PHF14: variants seen among roughly 807,000 people sequenced by gnomAD.
PHF14 encodes the protein PHD finger protein 14.
Under a neutral mutation model 117.9 loss-of-function variants are expected in PHF14, and 55 were observed. That is an observed-to-expected ratio of 0.47 (90% CI 0.38 to 0.58). The LOEUF (loss-of-function observed/expected upper bound fraction) is 0.58. PHF14 is among the 20% of genes least tolerant of loss of function. The pLI is 0.00. For synonymous variants in PHF14, 409 were observed against 368.6 expected, an observed-to-expected ratio of 1.11 and a Z score of -1.26; for missense variants, 978 against 1,122.2, an observed-to-expected ratio of 0.87 and a Z score of 1.84.
chr7:11,158,754 TAA>T (rs1266563624), intron 17 of PHF14, among the ~76,000 whole-genome samples: 3 of 152,106 alleles, frequency 2.0e-5, no homozygotes, highest in African/African-American at 7.2e-5. Context: ...AGGAGAAATA[TAA>T]GAGAATAAGA....
intron 16 of PHF14, among the ~76,000 whole-genome samples, chr7:11,067,729 G>A (rs574167166): frequency 1.3e-5 from 2 of 152,292 alleles, no homozygotes; most frequent in South Asian, 4.1e-4. Context: ...TTGGGCATCT[G>A]CATCTGGTGA....
At chr7:11,087,496 G>A (rs1425411614) in intron 16 of PHF14, among the ~76,000 whole-genome samples, 1 of 152,016 alleles carries the variant, frequency 6.6e-6, no homozygotes, top group Non-Finnish European at 1.5e-5. Flanking sequence ...GGCCAGCACT[G>A]TTCTTCTTTC....
At chr7:10,993,526 A>T (rs979882328) in intron 4 of PHF14, among the ~76,000 whole-genome samples, 4 of 152,204 alleles carry the variant, frequency 2.6e-5, no homozygotes, top group Admixed American at 6.5e-5. Context: ...AATTTTAGGC[A>T]TATGAAATAG....
chr7:11,122,331 T>TATATATATATATATATATATATA (rs1787779306), intron 17 of PHF14, among the ~76,000 whole-genome samples: 2 of 84,068 alleles, frequency 2.4e-5, no homozygotes, highest in African/African-American at 5.9e-5. Flanking sequence ...TTTGTACTTT[T>TATATATATATATATATATATATA]TATATATATA....
At chr7:11,149,195 A>G (rs1035970044) in intron 17 of PHF14, among the ~76,000 whole-genome samples, 3 of 101,546 alleles carry the variant, frequency 3.0e-5, no homozygotes, top group African/African-American at 1.7e-4. Flanking sequence ...TAAGGCCATC[A>G]CAGTTGTTTT....
intron 16 of PHF14, among the ~76,000 whole-genome samples, chr7:11,101,190 T>C (rs1333871966): frequency 6.6e-6 from 1 of 151,930 alleles, no homozygotes; most frequent in East Asian, 1.9e-4. Context: ...ATCAAACTTA[T>C]CAACTTGAAT....
At chr7:10,994,916 G>T (rs1288329622) in intron 4 of PHF14, among the ~76,000 whole-genome samples, 1 of 152,192 alleles carries the variant, frequency 6.6e-6, no homozygotes, top group Non-Finnish European at 1.5e-5. Context: ...ACCCGAGCGG[G>T]TTGCCATTGC....
intron 4 of PHF14, among the ~76,000 whole-genome samples, chr7:11,011,371 A>G (rs765580500): frequency 1.5e-4 from 23 of 152,312 alleles, no homozygotes; most frequent in Non-Finnish European, 2.1e-4. Context: ...TACCAGTTCA[A>G]ATAATCACAT....
Position 10,990,776 on chromosome 7 carries a change from G to A in PHF14, c.974G>A (p.Cys325Tyr). ...KMDHILICCV[C>Y]LGDNSEDADE... The stretch of plus-strand genomic sequence containing the variant: ...GACCATATTCTGATTTGCTGTGTTT[G>A]TCTGGGAGATAATAGTGAGGACGCT... Residue 325 changes from cysteine (C) to tyrosine (Y), a missense_variant, in exon 4 of 18, where the codon TGT becomes TAT. Cys to Tyr is a radical substitution (Grantham distance 194). This residue lies in a region of PHF14 where 414 missense variants were observed against 376.4 expected (regional missense o/e 1.10). Coordinates refer to ENST00000634607, the MANE Select transcript of PHF14 (RefSeq NM_001007157.2). 1 of 1,583,580 alleles carries A rather than the reference G, an allele frequency of 6.3e-7. No individual in the cohort carries two copies. The highest frequency in any genetic ancestry group is 8.6e-7 in the Non-Finnish European group (1 of 1,162,020).
intron 14 of PHF14, among the ~76,000 whole-genome samples, chr7:11,052,907 C>G (rs2128327096): frequency 6.6e-6 from 1 of 152,214 alleles, no homozygotes; most frequent in East Asian, 1.9e-4. Context: ...GAAGGGGCCT[C>G]TACCAACTTG....
At position 11,106,951 on chromosome 7, in the gene PHF14, A is replaced by G. The variant is rs888735536; in HGVS notation, c.2655-4399A>G. 3 of 983,986 alleles carry G rather than the reference A, an allele frequency of 3.0e-6. No homozygotes were observed. In the East Asian group the frequency reaches 3.4e-4, roughly 112 times the overall value. 61.0% of individuals were successfully genotyped at this position (983,986 alleles called of 1,614,324 possible). ...AAAAGATAATGTGATTATCACAATC[A>G]ACTTGATCATAAAAATGTACATCCT... On this transcript the variant is annotated intron_variant, in intron 16 of 17. Coordinates refer to ENST00000634607, the MANE Select transcript of PHF14 (RefSeq NM_001007157.2).
At chr7:11,030,749 A>G (rs1437549211) in intron 7 of PHF14, among the ~76,000 whole-genome samples, 2 of 152,188 alleles carry the variant, frequency 1.3e-5, no homozygotes, top group East Asian at 3.8e-4. Flanking sequence ...TGGATGCTGG[A>G]ATAATAAAAT....
chr7:11,147,199 G>T (rs1273060422), intron 17 of PHF14, among the ~76,000 whole-genome samples: 1 of 152,130 alleles, frequency 6.6e-6, no homozygotes, highest in African/African-American at 2.4e-5. Flanking sequence ...AGCCATATGT[G>T]TTGTTTGGTT....
At chr7:11,057,918 G>A (rs1343848543) in intron 14 of PHF14, among the ~76,000 whole-genome samples, 2 of 152,112 alleles carry the variant, frequency 1.3e-5, no homozygotes, top group African/African-American at 2.4e-5. Flanking sequence ...TCAAGATTTG[G>A]AATGAGTTTT....
intron 6 of PHF14, among the ~76,000 whole-genome samples, chr7:11,026,818 C>A (rs1783929142): frequency 6.6e-6 from 1 of 151,448 alleles, no homozygotes; most frequent in Non-Finnish European, 1.5e-5. Flanking sequence ...CAGGTCCAGG[C>A]TAATTTCCTC....
chr7:11,140,967 C>T (rs925632022), intron 17 of PHF14, among the ~76,000 whole-genome samples: 1 of 152,038 alleles, frequency 6.6e-6, no homozygotes, highest in Admixed American at 6.6e-5. Context: ...CTTCCTTTTT[C>T]ATGTCTGTTT....
At chr7:11,042,235 A>G (rs926795677) in intron 12 of PHF14, among the ~76,000 whole-genome samples, 1 of 151,988 alleles carries the variant, frequency 6.6e-6, no homozygotes, top group Non-Finnish European at 1.5e-5. Context: ...AAAGGTTTAC[A>G]ACTAATGGTA....
intron 17 of PHF14, among the ~76,000 whole-genome samples, chr7:11,129,741 T>G (rs1788038022): frequency 6.6e-6 from 1 of 151,920 alleles, no homozygotes; most frequent in Non-Finnish European, 1.5e-5. Flanking sequence ...TGTAGTAAGA[T>G]GAGACATAAA....
At chr7:11,042,097 C>T (rs1248292079) in intron 12 of PHF14, among the ~76,000 whole-genome samples, 1 of 151,828 alleles carries the variant, frequency 6.6e-6, no homozygotes, top group Non-Finnish European at 1.5e-5. Flanking sequence ...CAATAAATAT[C>T]AATTGATGTG....
Sources: gnomAD v4.1 joint callset for allele counts (sites outside exome capture counted in the v4.1 genomes callset) on GRCh38, gnomAD v4.1.1 for gene constraint, gnomAD v4.1.1 regional missense constraint, MANE v1.5 for transcripts, NCBI Gene and HGNC (gene_info 2026-07-23, HGNC 2026-07-21) for gene names.